SCD5: variants seen among roughly 807,000 people sequenced by gnomAD.
SCD5 encodes the protein acyl-CoA-desaturase 4.
Under a neutral mutation model 30.4 loss-of-function variants are expected in SCD5, and 20 were observed. That is an observed-to-expected ratio of 0.66 (90% confidence interval 0.46 to 0.96). The LOEUF is 0.96. Ranked by LOEUF, SCD5 falls within the 40% of genes least tolerant of loss-of-function variation. The probability of loss-of-function intolerance (pLI) is 0.00; values close to 1 mark genes in which losing one functional copy is unlikely to be tolerated. For synonymous variants in SCD5, 173 were observed against 176.4 expected, an observed-to-expected ratio of 0.98 and a Z score of 0.16; for missense variants, 381 against 443.3, an observed-to-expected ratio of 0.86 and a Z score of 1.26.
chr4:82,720,435 C>CAAAAAAAAAAAA (rs1720343333), intron 1 of SCD5, among the ~76,000 whole-genome samples: 1 of 14,398 alleles, frequency 6.9e-5, no homozygotes, highest in Admixed American at 8.5e-4. Context: ...TCAAAAAAGG[C>CAAAAAAAAAAAA]AAAAATAAAA....
At chr4:82,715,495 A>G (rs1421868158) in intron 1 of SCD5, among the ~76,000 whole-genome samples, 1 of 151,378 alleles carries the variant, frequency 6.6e-6, no homozygotes, top group East Asian at 1.9e-4. Context: ...GCCCTTGACA[A>G]GTTACTCATC....
At chr4:82,761,238 G>A (rs373623485) in intron 1 of SCD5, among the ~76,000 whole-genome samples, 1 of 152,178 alleles carries the variant, frequency 6.6e-6, no homozygotes, top group African/African-American at 2.4e-5. Flanking sequence ...AATCATTAGA[G>A]CAGGCAACGT....
intron 1 of SCD5, among the ~76,000 whole-genome samples, chr4:82,793,829 T>C (rs145174274): frequency 6.6e-6 from 1 of 152,264 alleles, no homozygotes; most frequent in Non-Finnish European, 1.5e-5. Flanking sequence ...AGAGCAGGGA[T>C]TCACATTCAG....
intron 2 of SCD5, among the ~76,000 whole-genome samples, chr4:82,700,139 C>T (rs893007765): frequency 3.3e-5 from 5 of 152,018 alleles, no homozygotes; most frequent in African/African-American, 4.8e-5. Flanking sequence ...ATCTCTTGAA[C>T]CTGGGAGGCG....
At chr4:82,731,138 T>C (rs1036165144) in intron 1 of SCD5, among the ~76,000 whole-genome samples, 2 of 152,188 alleles carry the variant, frequency 1.3e-5, no homozygotes, top group Non-Finnish European at 2.9e-5. Context: ...AGTGTCATTC[T>C]TGAGAACGGA....
At chr4:82,727,755 G>A (rs1431361114) in intron 1 of SCD5, among the ~76,000 whole-genome samples, 2 of 152,176 alleles carry the variant, frequency 1.3e-5, no homozygotes, top group African/African-American at 4.8e-5. Context: ...CGCCCAGACT[G>A]GAGTGCAGTG....
chr4:82,696,060 T>G (rs1719689862), intron 2 of SCD5, among the ~76,000 whole-genome samples: 1 of 152,230 alleles, frequency 6.6e-6, no homozygotes, highest in Non-Finnish European at 1.5e-5. Context: ...ACATAGTGGC[T>G]TATGCACTTT....
intron 1 of SCD5, chr4:82,753,376 G>T (rs750541527): frequency 1.9e-6 from 1 of 533,492 alleles, no homozygotes; most frequent in Non-Finnish European, 3.9e-6. Flanking sequence ...GGCTCATTGT[G>T]CAGACAGCCT....
rs539533312 is a variant in SCD5 at position 82,632,859 on chromosome 4, T to G, written c.803-1342A>C. On this transcript the variant is annotated intron_variant, in intron 4 of 4. Coordinates refer to ENST00000319540, the MANE Select transcript of SCD5 (RefSeq NM_001037582.3). ...TTTTTTAAATTTCTTTTACTTATTT[T>G]TTAATTGACAAATAAAATTTGTATA... 1.2e-4 allele frequency among the ~76,000 whole-genome samples: 18 copies of G among 152,338 alleles called. No homozygotes were observed. In the South Asian group the frequency reaches 3.7e-3, roughly 32 times the overall value.
At chr4:82,772,414 G>A (rs759290912) in intron 1 of SCD5, among the ~76,000 whole-genome samples, 2 of 152,238 alleles carry the variant, frequency 1.3e-5, no homozygotes, top group Non-Finnish European at 2.9e-5. Flanking sequence ...CCACCGTTCT[G>A]TCAATAACTC....
intron 3 of SCD5, among the ~76,000 whole-genome samples, chr4:82,673,736 C>T (rs1470279026): frequency 6.6e-6 from 1 of 152,120 alleles, no homozygotes; most frequent in African/African-American, 2.4e-5. Flanking sequence ...GAAGAGTGCA[C>T]TACTTGACTT....
chr4:82,702,130 CTTTTTTTT>C (rs10701664), intron 2 of SCD5, among the ~76,000 whole-genome samples: 5 of 64,116 alleles, frequency 7.8e-5, no homozygotes, highest in East Asian at 1.7e-3. Flanking sequence ...CCATCATCAT[CTTTTTTTT>C]TTTTTTTTTT....
At chr4:82,776,346 G>A (rs1721743957) in intron 1 of SCD5, among the ~76,000 whole-genome samples, 1 of 152,068 alleles carries the variant, frequency 6.6e-6, no homozygotes, top group Admixed American at 6.5e-5. Context: ...GTTTGCATGT[G>A]AAAAAAAGAT....
chr4:82,722,790 G>T (rs60712933), intron 1 of SCD5, among the ~76,000 whole-genome samples: 1 of 150,702 alleles, frequency 6.6e-6, no homozygotes, highest in Non-Finnish European at 1.5e-5. Context: ...ATTCTCGGCT[G>T]GGCTCAGTAG....
At chr4:82,676,530 T>C (rs915388442) in intron 3 of SCD5, among the ~76,000 whole-genome samples, 1 of 152,200 alleles carries the variant, frequency 6.6e-6, no homozygotes, top group Non-Finnish European at 1.5e-5. Context: ...ACACTGCCCC[T>C]TGGCCACTCT....
chr4:82,747,250 T>C (rs534792811), intron 1 of SCD5, among the ~76,000 whole-genome samples: 1 of 152,234 alleles, frequency 6.6e-6, no homozygotes, highest in Non-Finnish European at 1.5e-5. Context: ...AAGCACTTTA[T>C]AACCATGCTT....
chr4:82,758,677 T>C (rs1721281018), intron 1 of SCD5, among the ~76,000 whole-genome samples: 1 of 151,996 alleles, frequency 6.6e-6, no homozygotes, highest in Non-Finnish European at 1.5e-5. Context: ...CGGGACAGGA[T>C]TTTGGTGCGG....
At chr4:82,764,444 T>C (rs1721444461) in intron 1 of SCD5, among the ~76,000 whole-genome samples, 1 of 152,246 alleles carries the variant, frequency 6.6e-6, no homozygotes. Context: ...TAGTTGAGCA[T>C]TTTTCATGAT....
rs148343265 is a variant in SCD5 at position 82,675,566 on chromosome 4, G to A, written c.569+5141C>T. Among the ~76,000 whole-genome samples the A allele has an allele frequency of 5.3e-5, 8 of 152,216 alleles. No individual in the cohort carries two copies. The East Asian group carries it at 1.3e-3, about 26-fold the overall frequency. ...TCTTTCAGTTTATCTCATCACCATGGCAATAAGGCAAGGACCTTGTTTTTA... is the reference window on the plus strand; with the variant it reads ...TCTTTCAGTTTATCTCATCACCATGACAATAAGGCAAGGACCTTGTTTTTA... On this transcript the variant is annotated intron_variant, in intron 3 of 4. Coordinates refer to ENST00000319540, the MANE Select transcript of SCD5 (RefSeq NM_001037582.3).
Sources: gnomAD v4.1 joint callset for allele counts (sites outside exome capture counted in the v4.1 genomes callset) on GRCh38, gnomAD v4.1.1 for gene constraint, MANE v1.5 for transcripts, NCBI Gene and HGNC (gene_info 2026-07-23, HGNC 2026-07-21) for gene names.